SIMC1: variants seen among roughly 807,000 people sequenced by gnomAD.
SIMC1 encodes SUMO interacting motifs containing 1, also known as SUMO-interacting motif-containing protein 1.
A neutral mutation model predicts 82.3 loss-of-function variants in SIMC1; 55 were observed. That is an observed-to-expected ratio of 0.67 (90% CI 0.54 to 0.84). The LOEUF (loss-of-function observed/expected upper bound fraction) is 0.84, where lower values mean the gene tolerates loss of function less well. Ranked by LOEUF, SIMC1 falls within the 40% of genes least tolerant of loss-of-function variation. SIMC1 has a pLI of 0.00. For missense variants in SIMC1, 915 were observed against 1,107.2 expected, an observed-to-expected ratio of 0.83 and a Z score of 2.46; for synonymous variants, 353 against 426.3, an observed-to-expected ratio of 0.83 and a Z score of 2.12.
chr5:176,326,152 T>A (rs1250156364), intron 7 of SIMC1, among the ~76,000 whole-genome samples: 1 of 152,188 alleles, frequency 6.6e-6, no homozygotes, highest in African/African-American at 2.4e-5. Context: ...TATGTTTGTC[T>A]TCAGTGCATC....
intron 1 of SIMC1, among the ~76,000 whole-genome samples, chr5:176,276,256 G>T (rs192512931): frequency 0.018 from 2,660 of 151,570 alleles, 122 homozygotes; most frequent in African/African-American, 0.06. Context: ...TAGTTTATTT[G>T]CATAGAGGTG....
At chr5:176,329,496 TAAAAAA>T (rs60571584) in intron 7 of SIMC1, among the ~76,000 whole-genome samples, 1 of 126,594 alleles carries the variant, frequency 7.9e-6, no homozygotes, top group Non-Finnish European at 1.6e-5. Context: ...ACTCCCTCTT[TAAAAAA>T]AAAAAAAAAA....
intron 4 of SIMC1, among the ~76,000 whole-genome samples, chr5:176,306,987 G>A (rs1404722193): frequency 1.3e-5 from 2 of 151,718 alleles, no homozygotes; most frequent in African/African-American, 2.4e-5. Flanking sequence ...TTTAAAAATG[G>A]GCAGAGGACT....
chr5:176,273,245 C>T (rs1228920417), intron 1 of SIMC1, among the ~76,000 whole-genome samples: 6 of 152,190 alleles, frequency 3.9e-5, no homozygotes, highest in African/African-American at 9.7e-5. Context: ...TCCAGAGGAA[C>T]GATCAGGCAG....
At chr5:176,280,317 C>A (rs1413327417) in intron 1 of SIMC1, among the ~76,000 whole-genome samples, 1 of 151,340 alleles carries the variant, frequency 6.6e-6, no homozygotes, top group African/African-American at 2.4e-5. Context: ...TTTTTGTTTT[C>A]CATTTGCTTG....
At chr5:176,253,032 A>G (rs1245244271) in intron 1 of SIMC1, among the ~76,000 whole-genome samples, 12 of 152,322 alleles carry the variant, frequency 7.9e-5, no homozygotes, top group South Asian at 2.1e-4. Flanking sequence ...GCAGGCACTC[A>G]GCAGGCTGAG....
At chr5:176,316,392 C>A in intron 5 of SIMC1, among the ~76,000 whole-genome samples, 1 of 149,408 alleles carries the variant, frequency 6.7e-6, no homozygotes, top group Non-Finnish European at 1.5e-5. Context: ...TAAGGCTGGG[C>A]GTGGTGGCTC....
intron 1 of SIMC1, among the ~76,000 whole-genome samples, chr5:176,259,993 T>A (rs1274107125): frequency 1.3e-5 from 2 of 148,902 alleles, no homozygotes; most frequent in East Asian, 3.9e-4. Context: ...AAATAAAAAC[T>A]AAAATTTATA....
intron 1 of SIMC1, among the ~76,000 whole-genome samples, chr5:176,268,531 A>G (rs1485759421): frequency 2.0e-5 from 3 of 151,176 alleles, no homozygotes; most frequent in African/African-American, 4.9e-5. Flanking sequence ...TAGTAACTCT[A>G]TTCTTACCAG....
chr5:176,268,681 A>G (rs1301385138), intron 1 of SIMC1, among the ~76,000 whole-genome samples: 5 of 152,252 alleles, frequency 3.3e-5, no homozygotes, highest in African/African-American at 1.2e-4. Context: ...AAATACATGA[A>G]GCAAACAACT....
chr5:176,303,292 G>A (rs957120464), intron 4 of SIMC1, among the ~76,000 whole-genome samples: 1 of 146,544 alleles, frequency 6.8e-6, no homozygotes, highest in Non-Finnish European at 1.5e-5. Context: ...AAAAAAGTTG[G>A]TATCTTGCAA....
intron 1 of SIMC1, among the ~76,000 whole-genome samples, chr5:176,249,604 G>C (rs900420462): frequency 5.3e-5 from 8 of 151,920 alleles, no homozygotes; most frequent in African/African-American, 1.9e-4. Flanking sequence ...ACTTTGGAAG[G>C]CTGAGGTGGG....
chr5:176,273,398 CAGAA>C lies in SIMC1; in HGVS notation c.130-16253_130-16250del, dbSNP rs769883852. ...GACTGTTAGAAGGAAAACTAACAAA[CAGAA>C]AGGACATTCACACCAAAACCCCATC... On this transcript the variant is annotated intron_variant, in intron 1 of 9. Coordinates refer to ENST00000429602, the MANE Select transcript of SIMC1 (RefSeq NM_001308195.2). Among the ~76,000 whole-genome samples the C allele has an allele frequency of 1.3e-4, 20 of 152,254 alleles. No individual in the cohort carries two copies. In the East Asian group the frequency reaches 2.1e-3, roughly 16 times the overall value.
rs540780618 is a variant in SIMC1, at chr5:176,246,073, G to C, written c.129+7436G>C. ...CACCCAGGCTGGAGTGCAGTGGCAC[G>C]ATCTCGGGTCACTGCAACCTCCACC... On this transcript the variant is annotated intron_variant, in intron 1 of 9. Transcript: ENST00000429602. Among the ~76,000 whole-genome samples the C allele has an allele frequency of 3.4e-5, 5 of 148,626 alleles. No individual in the cohort carries two copies. In the East Asian group the frequency reaches 6.0e-4, roughly 18 times the overall value.
intron 1 of SIMC1, among the ~76,000 whole-genome samples, chr5:176,271,359 CA>C (rs949172330): frequency 1.5e-3 from 209 of 139,448 alleles, no homozygotes; most frequent in African/African-American, 5.2e-3. Context: ...GGCTCTGTCT[CA>C]AAAAAAAAAG....
At chr5:176,250,904 C>G (rs1216352339) in intron 1 of SIMC1, among the ~76,000 whole-genome samples, 1 of 152,180 alleles carries the variant, frequency 6.6e-6, no homozygotes, top group Non-Finnish European at 1.5e-5. Flanking sequence ...TGGGTCTTGA[C>G]TCTTTATCCA....
chr5:176,270,284 ACT>A (rs1350854353), intron 1 of SIMC1: 1 of 152,128 alleles, frequency 6.6e-6, no homozygotes, highest in African/African-American at 2.4e-5. Context: ...CCCAATTTAA[ACT>A]CTGAGTAAAC....
At chr5:176,276,920 G>A (rs924051866) in intron 1 of SIMC1, among the ~76,000 whole-genome samples, 1 of 150,628 alleles carries the variant, frequency 6.6e-6, no homozygotes, top group Non-Finnish European at 1.5e-5. Flanking sequence ...GTGTACATGT[G>A]TCTTTATAGC....
intron 1 of SIMC1, among the ~76,000 whole-genome samples, chr5:176,246,214 AT>A (rs1761434461): frequency 6.6e-6 from 1 of 151,044 alleles, no homozygotes; most frequent in African/African-American, 2.4e-5. Flanking sequence ...GTTTCACCAT[AT>A]TGGCCAGGCT....
Sources: allele counts gnomAD v4.1 joint callset (sites outside exome capture counted in the v4.1 genomes callset), GRCh38; gene constraint gnomAD v4.1.1; transcripts MANE v1.5; gene names NCBI Gene and HGNC (gene_info 2026-07-23, HGNC 2026-07-21).